Variants in SCPPPQ1 observed in about 807,000 individuals in gnomAD.
SCPPPQ1 encodes the protein secretory calcium-binding phosphoprotein proline-glutamine rich 1.
the SCPPPQ1 span, among the ~76,000 whole-genome samples, chr4:87,464,639 A>G: frequency 6.6e-6 from 1 of 152,136 alleles, no homozygotes; most frequent in African/African-American, 2.4e-5. Context: ...GGAGTTCGAG[A>G]CCAGCCTGGG....
chr4:87,467,449 ATCT>A, the SCPPPQ1 span, among the ~76,000 whole-genome samples: 4 of 151,610 alleles, frequency 2.6e-5, no homozygotes, highest in African/African-American at 9.7e-5. Context: ...GGGAAAAAAA[ATCT>A]TCTTAGAGAA....
the SCPPPQ1 span, among the ~76,000 whole-genome samples, chr4:87,467,154 T>C: frequency 4.6e-5 from 7 of 152,170 alleles, no homozygotes; most frequent in African/African-American, 1.7e-4. Flanking sequence ...CTCGAAATAC[T>C]TATCAAATTA....
At chr4:87,463,649 G>T in the SCPPPQ1 span, among the ~76,000 whole-genome samples, 1 of 152,038 alleles carries the variant, frequency 6.6e-6, no homozygotes, top group Non-Finnish European at 1.5e-5. Flanking sequence ...TTAATTCACA[G>T]AAATATTTTC....
the SCPPPQ1 span, among the ~76,000 whole-genome samples, chr4:87,469,313 A>G: frequency 1.3e-5 from 2 of 152,176 alleles, no homozygotes; most frequent in African/African-American, 4.8e-5. Context: ...TAAAAAAATC[A>G]TCTCCGTGCA....
At chr4:87,462,783 A>G in the SCPPPQ1 span, among the ~76,000 whole-genome samples, 2 of 152,122 alleles carry the variant, frequency 1.3e-5, no homozygotes, top group African/African-American at 2.4e-5. Flanking sequence ...GGATCTCTTG[A>G]GGTCAGGAGT....
chr4:87,469,541 C>T, the SCPPPQ1 span, among the ~76,000 whole-genome samples: 4 of 152,112 alleles, frequency 2.6e-5, no homozygotes, highest in Admixed American at 6.6e-5. Context: ...CCGAGAAATG[C>T]GATGACTCTA....
the SCPPPQ1 span, among the ~76,000 whole-genome samples, chr4:87,470,167 CT>C: frequency 0.02 from 3,019 of 152,112 alleles, 94 homozygotes; most frequent in African/African-American, 0.069. Context: ...TGTTGCCCCC[CT>C]GTTGCAAGGA....
chr4:87,462,531 C>G, the SCPPPQ1 span, among the ~76,000 whole-genome samples: 1 of 152,002 alleles, frequency 6.6e-6, no homozygotes, highest in Non-Finnish European at 1.5e-5. Flanking sequence ...TACATGAAAG[C>G]AAACTTCAGT....
chr4:87,466,981 C>T, the SCPPPQ1 span, among the ~76,000 whole-genome samples: 3 of 152,282 alleles, frequency 2.0e-5, no homozygotes, highest in South Asian at 2.1e-4. Context: ...TTATTTTAGA[C>T]TAAAATAATT....
At chr4:87,467,348 A>G in the SCPPPQ1 span, among the ~76,000 whole-genome samples, 1 of 152,338 alleles carries the variant, frequency 6.6e-6, no homozygotes, top group South Asian at 2.1e-4. Flanking sequence ...ATGTTTTAAG[A>G]ATCCAGATAT....
At chr4:87,462,501 C>CT in the SCPPPQ1 span, among the ~76,000 whole-genome samples, 5 of 128,680 alleles carry the variant, frequency 3.9e-5, no homozygotes, top group African/African-American at 8.5e-5. Context: ...TTCTTTCTTT[C>CT]TTTTTTTTGG....
At chr4:87,466,918 T>G in the SCPPPQ1 span, among the ~76,000 whole-genome samples, 4 of 152,320 alleles carry the variant, frequency 2.6e-5, no homozygotes, top group South Asian at 8.3e-4. Flanking sequence ...AAAAAATCAT[T>G]GCTTAAATAC....
chr4:87,461,628 A>G, the SCPPPQ1 span, among the ~76,000 whole-genome samples: 1 of 152,190 alleles, frequency 6.6e-6, no homozygotes, highest in Non-Finnish European at 1.5e-5. Context: ...AGGATATGCA[A>G]AGTTTCCTTA....
the SCPPPQ1 span, among the ~76,000 whole-genome samples, chr4:87,463,609 T>A: frequency 1.3e-5 from 2 of 152,328 alleles, no homozygotes; most frequent in East Asian, 3.9e-4. Flanking sequence ...TACAAGATTT[T>A]AAAATGACAA....
At chr4:87,470,333 A>G in the SCPPPQ1 span, among the ~76,000 whole-genome samples, 6 of 152,202 alleles carry the variant, frequency 3.9e-5, no homozygotes, top group Non-Finnish European at 8.8e-5. Flanking sequence ...ACTACTGGCT[A>G]AAATGAGAGG....
the SCPPPQ1 span, among the ~76,000 whole-genome samples, chr4:87,468,710 TTG>T: frequency 2.0e-5 from 3 of 152,210 alleles, no homozygotes; most frequent in Non-Finnish European, 4.4e-5. Context: ...CTTTATCAAA[TTG>T]TGTTTTTAAG....
At chr4:87,465,424 T>C in the SCPPPQ1 span, among the ~76,000 whole-genome samples, 1 of 152,086 alleles carries the variant, frequency 6.6e-6, no homozygotes, top group Non-Finnish European at 1.5e-5. Flanking sequence ...TAATTATTGG[T>C]ATCAAATTCT....
Sources: gnomAD v4.1 joint callset for allele counts (sites outside exome capture counted in the v4.1 genomes callset) on GRCh38, gnomAD v4.1.1 for gene constraint, MANE v1.5 for transcripts, NCBI Gene and HGNC (gene_info 2026-07-23, HGNC 2026-07-21) for gene names.